The following CDH23 variants were observed in gnomAD, a reference collection of about 807,000 sequenced individuals.
The protein encoded by CDH23 is cadherin related 23, also known as cadherin-23.
Under a neutral mutation model 317.1 loss-of-function variants are expected in CDH23, and 189 were observed. That is an observed-to-expected ratio of 0.60 (90% CI 0.53 to 0.67). The LOEUF (loss-of-function observed/expected upper bound fraction) is 0.67, where lower values mean the gene tolerates loss of function less well. Ranked by LOEUF, CDH23 falls within the 30% of genes least tolerant of loss-of-function variation. The pLI is 0.00. For synonymous variants in CDH23, 1,839 were observed against 1,876.8 expected (o/e 0.98, Z 0.52); for missense variants, 4,401 against 4,592.4 (o/e 0.96, Z 1.20).
rs760948801 is a variant in CDH23 at position 71,791,142 on chromosome 10, C to T, written c.6060C>T (p.Thr2020=). 10 of 1,607,828 alleles carry T rather than the reference C, an allele frequency of 6.2e-6. No individual in the cohort carries two copies. The highest frequency in any genetic ancestry group is 3.3e-5 in the South Asian group (3 of 89,778). ...GGCACCGGGTGCCAGGTGTGGTGAC[C>T]GTGAGGTCAGGTGTCATCATTGACC... ...FDINSSTGVV[T]VRSGVIIDRE... is the part of the protein sequence containing the mutation. Residue 2020 remains threonine, a synonymous_variant, in exon 47 of 70, where the codon ACC becomes ACT. Coordinates refer to ENST00000224721, the MANE Select transcript of CDH23 (RefSeq NM_022124.6).
chr10:71,599,789 G>A (rs772997968), intron 9 of CDH23, among the ~76,000 whole-genome samples: 1 of 152,112 alleles, frequency 6.6e-6, no homozygotes, highest in Non-Finnish European at 1.5e-5. Context: ...TGCTTCTAAC[G>A]TGCTGTGTGT....
chr10:71,398,871 C>T (rs74144940), intron 1 of CDH23, among the ~76,000 whole-genome samples: 2,514 of 152,212 alleles, frequency 0.017, 80 homozygotes, highest in African/African-American at 0.057. Context: ...GCCTCGAGTG[C>T]TGGAGGACAG....
chr10:71,730,333 G>C, intron 30 of CDH23, 136 bp from the exon 31 acceptor site: 1 of 1,103,010 alleles, frequency 9.1e-7, no homozygotes, highest in Non-Finnish European at 1.3e-6. Flanking sequence ...CCACCAGACA[G>C]GCCTGGGGTC....
intron 6 of CDH23, among the ~76,000 whole-genome samples, chr10:71,526,219 C>G (rs189364738): frequency 2.0e-5 from 3 of 152,220 alleles, no homozygotes; most frequent in African/African-American, 7.2e-5. Flanking sequence ...TTCCTCTAGG[C>G]GGTAGAATTG....
intron 38 of CDH23, chr10:71,753,035 G>C: frequency 6.2e-7 from 1 of 1,608,494 alleles, no homozygotes; most frequent in Non-Finnish European, 8.5e-7. Context: ...GCTGGTCATG[G>C]AAGGGAAGGC....
intron 22 of CDH23, among the ~76,000 whole-genome samples, chr10:71,701,702 T>C (rs1384724327): frequency 6.6e-6 from 1 of 152,016 alleles, no homozygotes; most frequent in Non-Finnish European, 1.5e-5. Flanking sequence ...GGTGTCACAA[T>C]CTAATGCTTC....
chr10:71,511,013 C>CT lies in CDH23; in HGVS notation c.336+13dup, dbSNP rs1302251413. 1 of 1,613,828 alleles carries CT rather than the reference C, an allele frequency of 6.2e-7. No individual in the cohort carries two copies. The highest frequency in any genetic ancestry group is 1.1e-5 in the South Asian group (1 of 91,072). On this transcript the variant is annotated intron_variant, in intron 5 of 69. Transcript: ENST00000224721. ...GCGACCACCAGGGGGTGAGTGTTCC[C>CT]TGGGGCCCTGGAGGCATGTTCCTGG...
rs564621639 is a variant in CDH23, at chr10:71,488,098, G to A, written c.146-21984G>A. ...GTACCAACTCTGTGCCCTTCAAGGG[G>A]CCAGGCCCTGGGTCATAGTCAGGCC... is the stretch of plus-strand genomic sequence containing the variant. On this transcript the variant is annotated intron_variant, in intron 3 of 69. Transcript: ENST00000224721. 3.3e-5 allele frequency among the ~76,000 whole-genome samples: 5 copies of A among 152,322 alleles called. No homozygotes were observed. In the East Asian group the frequency reaches 9.6e-4, roughly 29 times the overall value.
intron 3 of CDH23, among the ~76,000 whole-genome samples, chr10:71,452,143 G>A (rs1374164307): frequency 2.6e-5 from 4 of 152,144 alleles, no homozygotes; most frequent in African/African-American, 7.2e-5. Flanking sequence ...AATATTTGCC[G>A]GGGACCTTGG....
At chr10:71,438,347 CAAAAAAA>C (rs10596696) in intron 1 of CDH23, among the ~76,000 whole-genome samples, 15 of 98,352 alleles carry the variant, frequency 1.5e-4, no homozygotes, top group South Asian at 1.3e-3. Context: ...CTGTCTCAAA[CAAAAAAA>C]AAAAAAAAAA....
chr10:71,597,363 G>A (rs775164745), intron 9 of CDH23, among the ~76,000 whole-genome samples: 1 of 152,130 alleles, frequency 6.6e-6, no homozygotes, highest in Non-Finnish European at 1.5e-5. Flanking sequence ...CCCAAGATGA[G>A]AAAGCAGAGG....
Position 71,495,839 on chromosome 10 carries a change from A to G in CDH23, c.146-14243A>G, listed in dbSNP as rs1321411431. ...AAAAAAAAAAGAAAGAAAGAAAGAA[A>G]GAAGGAAAGAAAGAAAAGAAAAATC... On this transcript the variant is annotated intron_variant, in intron 3 of 69. Coordinates refer to ENST00000224721, the MANE Select transcript of CDH23 (RefSeq NM_022124.6). Among the ~76,000 whole-genome samples, 1,478 of 149,886 alleles carry G rather than the reference A, an allele frequency of 9.9e-3. 41 individuals are homozygous for G. The highest frequency in any genetic ancestry group is 0.03 in the African/African-American group (1,199 of 39,496).
intron 11 of CDH23, among the ~76,000 whole-genome samples, chr10:71,626,313 G>A (rs111993936): frequency 3.2e-4 from 49 of 152,230 alleles, no homozygotes; most frequent in African/African-American, 9.9e-4. Flanking sequence ...CTCCCCACTC[G>A]GGCCTTTACT....
At chr10:71,509,963 C>A in intron 3 of CDH23, 119 bp from the exon 4 acceptor site, 1 of 1,152,608 alleles carries the variant, frequency 8.7e-7, no homozygotes, top group Non-Finnish European at 1.3e-6. Flanking sequence ...GATCTGTGGC[C>A]TGCTGGAGGA....
At chr10:71,596,915 C>A (rs1374009190) in intron 9 of CDH23, among the ~76,000 whole-genome samples, 1 of 152,140 alleles carries the variant, frequency 6.6e-6, no homozygotes, top group Admixed American at 6.5e-5. Context: ...CGCTGCCCGG[C>A]ACTCCCTTCC....
chr10:71,522,945 G>T (rs1033600029), intron 6 of CDH23, among the ~76,000 whole-genome samples: 1 of 152,150 alleles, frequency 6.6e-6, no homozygotes. Flanking sequence ...ACCCAGAGAG[G>T]TTCAGTGACT....
intron 28 of CDH23, chr10:71,716,347 A>C (rs1048049423): frequency 1.3e-5 from 19 of 1,465,028 alleles, no homozygotes; most frequent in Non-Finnish European, 1.7e-5. Flanking sequence ...TGGCTCCTGC[A>C]ACAGCAACAA....
Position 71,709,216 on chromosome 10 carries a change from G to T in CDH23, c.3220+5G>T. ...TGCTCATCCTGGAGGCCATCGGTAT[G>T]CACCAGTCCCGCACCCACCAACACA... On this transcript the variant is annotated splice_donor_5th_base_variant and intron_variant, in intron 27 of 69. Coordinates refer to ENST00000224721, the MANE Select transcript of CDH23 (RefSeq NM_022124.6). 6.2e-7 allele frequency: 1 copy of T among 1,612,354 alleles called. No individual in the cohort carries two copies. The highest frequency in any genetic ancestry group is 8.5e-7 in the Non-Finnish European group (1 of 1,178,536).
chr10:71,511,468 G>A (rs1263004468), intron 6 of CDH23, among the ~76,000 whole-genome samples: 1 of 152,068 alleles, frequency 6.6e-6, no homozygotes, highest in Non-Finnish European at 1.5e-5. Flanking sequence ...ACCTCCAGCT[G>A]GAGTCAATGG....
Sources: allele counts gnomAD v4.1 joint callset (sites outside exome capture counted in the v4.1 genomes callset), GRCh38; gene constraint gnomAD v4.1.1; transcripts MANE v1.5; gene names NCBI Gene and HGNC (gene_info 2026-07-23, HGNC 2026-07-21).